The following NRXN3 variants were observed in gnomAD, a reference collection of about 807,000 sequenced individuals.
The protein encoded by NRXN3 is neurexin III.
In NRXN3, 32 loss-of-function variants were observed where a neutral mutation model predicts 137.6. The observed-to-expected ratio is 0.23, with a 90% CI of 0.18 to 0.31. The LOEUF (loss-of-function observed/expected upper bound fraction) is 0.31, where lower values mean the gene tolerates loss of function less well. NRXN3 is among the 10% of genes least tolerant of loss of function. The pLI is 1.00. For missense variants in NRXN3, 1,574 were observed against 2,062.5 expected (o/e 0.76, Z 4.59); for synonymous variants, 798 against 784.5 (o/e 1.02, Z -0.29).
intron 19 of NRXN3, among the ~76,000 whole-genome samples, chr14:79,778,420 C>CAA (rs759794241): frequency 6.6e-6 from 1 of 151,566 alleles, no homozygotes; most frequent in Non-Finnish European, 1.5e-5. Flanking sequence ...TGTCTCAAAA[C>CAA]AAAAAAACAA....
rs146936353 is a variant in NRXN3 at position 78,889,934 on chromosome 14, G to A, written c.2276-67308G>A. ...GTGAAAACTATCTTTGTAAGAGACAGATGAGGAGAAGACGTAGAGACTTGT... is the reference window on the plus strand; with the variant it reads ...GTGAAAACTATCTTTGTAAGAGACAAATGAGGAGAAGACGTAGAGACTTGT... On this transcript the variant is annotated intron_variant, in intron 10 of 20. Transcript: ENST00000335750. Among the ~76,000 whole-genome samples, 5 of 152,160 alleles carry A rather than the reference G, an allele frequency of 3.3e-5. No homozygotes were observed. In the East Asian group the frequency reaches 9.7e-4, roughly 29 times the overall value.
chr14:79,246,564 A>T (rs1191007240), intron 15 of NRXN3: 1 of 151,824 alleles, frequency 6.6e-6, no homozygotes, highest in Middle Eastern at 3.2e-3. Flanking sequence ...CCTTTTTTTA[A>T]CACACACACA....
intron 15 of NRXN3, among the ~76,000 whole-genome samples, chr14:79,407,819 T>C (rs981367335): frequency 1.3e-5 from 2 of 152,062 alleles, no homozygotes; most frequent in African/African-American, 4.8e-5. Flanking sequence ...GAATCAAGGG[T>C]AGGACACATG....
intron 16 of NRXN3, among the ~76,000 whole-genome samples, chr14:79,652,328 T>A (rs1381179660): frequency 6.6e-6 from 1 of 152,144 alleles, no homozygotes; most frequent in African/African-American, 2.4e-5. Flanking sequence ...GAGAGAAGAA[T>A]GTTTGTGCCC....
intron 15 of NRXN3, among the ~76,000 whole-genome samples, chr14:79,211,804 G>A (rs189307630): frequency 1.2e-4 from 19 of 152,192 alleles, no homozygotes; most frequent in African/African-American, 3.6e-4. Context: ...TTTTTGTGAA[G>A]TATATTAGTG....
intron 19 of NRXN3, among the ~76,000 whole-genome samples, chr14:79,786,742 T>C (rs956188370): frequency 1.3e-5 from 2 of 152,246 alleles, no homozygotes; most frequent in Admixed American, 6.5e-5. Context: ...CTAAGATTTA[T>C]GTAAGAAAGA....
chr14:78,902,713 C>G (rs1305985598), intron 10 of NRXN3, among the ~76,000 whole-genome samples: 2 of 151,962 alleles, frequency 1.3e-5, no homozygotes, highest in African/African-American at 4.8e-5. Context: ...TCTTAAAGAT[C>G]TATCCTTGTC....
chr14:79,503,778 C>G (rs548283432), intron 16 of NRXN3, among the ~76,000 whole-genome samples: 1 of 152,176 alleles, frequency 6.6e-6, no homozygotes, highest in Non-Finnish European at 1.5e-5. Flanking sequence ...CACATTCAGT[C>G]TAGCTGAATG....
chr14:79,269,156 T>C (rs1481534966), intron 15 of NRXN3, among the ~76,000 whole-genome samples: 1 of 152,118 alleles, frequency 6.6e-6, no homozygotes, highest in African/African-American at 2.4e-5. Context: ...TTCACGCCAT[T>C]CTCCTGCCTC....
chr14:78,271,042 G>GT (rs1324752757), intron 2 of NRXN3, among the ~76,000 whole-genome samples: 11 of 152,242 alleles, frequency 7.2e-5, no homozygotes, highest in African/African-American at 2.4e-4. Context: ...TCAACTTTGT[G>GT]TCCAATTCCA....
chr14:79,422,769 G>A (rs986211167), intron 15 of NRXN3, among the ~76,000 whole-genome samples: 3 of 145,106 alleles, frequency 2.1e-5, no homozygotes, highest in Non-Finnish European at 4.5e-5. Context: ...GCACAATCTC[G>A]GCTCACTGCA....
intron 4 of NRXN3, among the ~76,000 whole-genome samples, chr14:78,564,546 C>G (rs1291412702): frequency 1.3e-5 from 2 of 152,214 alleles, no homozygotes; most frequent in Non-Finnish European, 2.9e-5. Flanking sequence ...ATTGTAGGTC[C>G]TGATGGAACA....
intron 10 of NRXN3, among the ~76,000 whole-genome samples, chr14:78,885,393 C>G (rs868062721): frequency 1.3e-4 from 20 of 151,604 alleles, no homozygotes; most frequent in African/African-American, 4.8e-4. Flanking sequence ...GATTTAAAAG[C>G]CTTAGATTAA....
At chr14:79,209,755 A>G (rs1432151472) in intron 15 of NRXN3, among the ~76,000 whole-genome samples, 1 of 152,216 alleles carries the variant, frequency 6.6e-6, no homozygotes, top group Non-Finnish European at 1.5e-5. Context: ...GGCACATGAA[A>G]GATGTCTATA....
chr14:78,313,152 G>A (rs919759673), intron 4 of NRXN3, among the ~76,000 whole-genome samples: 15 of 152,060 alleles, frequency 9.9e-5, no homozygotes, highest in African/African-American at 3.4e-4. Flanking sequence ...GTTTTTAGCC[G>A]GCTTCCCTCC....
At chr14:79,777,033 G>A (rs2099099271) in intron 19 of NRXN3, among the ~76,000 whole-genome samples, 1 of 152,140 alleles carries the variant, frequency 6.6e-6, no homozygotes, top group South Asian at 2.1e-4. Flanking sequence ...CTGCAAGGTT[G>A]TTCTTGTCAG....
chr14:79,673,614 C>A (rs2098623944), intron 17 of NRXN3, among the ~76,000 whole-genome samples: 1 of 152,044 alleles, frequency 6.6e-6, no homozygotes, highest in Non-Finnish European at 1.5e-5. Context: ...GGAGCCATTT[C>A]TTTATGCACT....
intron 15 of NRXN3, among the ~76,000 whole-genome samples, chr14:79,315,538 A>G (rs1366728016): frequency 6.6e-6 from 1 of 152,246 alleles, no homozygotes; most frequent in Non-Finnish European, 1.5e-5. Context: ...AGTGAGAAAT[A>G]AAATATCAAA....
At chr14:78,769,271 C>T (rs1166236162) in intron 8 of NRXN3, among the ~76,000 whole-genome samples, 1 of 152,218 alleles carries the variant, frequency 6.6e-6, no homozygotes, top group Non-Finnish European at 1.5e-5. Context: ...CACAATATCA[C>T]AGGCTGTCGC....
Sources: gnomAD v4.1 joint callset for allele counts (sites outside exome capture counted in the v4.1 genomes callset) on GRCh38, gnomAD v4.1.1 for gene constraint, MANE v1.5 for transcripts, NCBI Gene and HGNC (gene_info 2026-07-23, HGNC 2026-07-21) for gene names.